TCAIM: variants seen among roughly 807,000 people sequenced by gnomAD.
The protein encoded by TCAIM is T cell activation inhibitor, mitochondrial.
In TCAIM, 36 loss-of-function variants were observed where a neutral mutation model predicts 58.6. The ratio of observed to expected loss-of-function variants is 0.61; its 90% CI spans 0.47 to 0.81. The LOEUF is 0.81. Ranked by LOEUF, TCAIM falls within the 30% of genes least tolerant of loss-of-function variation. TCAIM has a pLI of 0.00. For missense variants in TCAIM, 466 were observed against 579.6 expected (o/e 0.80, Z 2.01); for synonymous variants, 172 against 193.6 (o/e 0.89, Z 0.93).
At chr3:44,339,444 A>G (rs1700808460) in intron 1 of TCAIM, among the ~76,000 whole-genome samples, 3 of 152,204 alleles carry the variant, frequency 2.0e-5, no homozygotes, top group Admixed American at 1.3e-4. Context: ...AAGTAAGCAA[A>G]ACAAAACCGT....
At chr3:44,382,833 C>T (rs553253290) in intron 5 of TCAIM, among the ~76,000 whole-genome samples, 14 of 152,226 alleles carry the variant, frequency 9.2e-5, no homozygotes, top group African/African-American at 3.1e-4. Flanking sequence ...ATGTTTGCAA[C>T]TCATATATAT....
At chr3:44,350,319 ACTT>A (rs1004117835) in intron 1 of TCAIM, among the ~76,000 whole-genome samples, 1 of 151,966 alleles carries the variant, frequency 6.6e-6, no homozygotes, top group Non-Finnish European at 1.5e-5. Flanking sequence ...ACTCATTTTC[ACTT>A]CTTTTGTGAT....
chr3:44,402,425 T>C (rs1702035040), intron 10 of TCAIM, among the ~76,000 whole-genome samples: 1 of 151,264 alleles, frequency 6.6e-6, no homozygotes, highest in African/African-American at 2.4e-5. Flanking sequence ...AATATATGTA[T>C]CATTTTAGTT....
At position 44,404,027 on chromosome 3, in the gene TCAIM, ACT is replaced by A. The variant is rs1338133750; in HGVS notation, c.1250+2697_1250+2698del. Among the ~76,000 whole-genome samples, 4 of 151,226 alleles carry A rather than the reference ACT, an allele frequency of 2.6e-5. No individual in the cohort carries two copies. The East Asian group carries it at 7.8e-4, about 30-fold the overall frequency. On this transcript the variant is annotated intron_variant, in intron 10 of 10. Transcript: ENST00000342649. ...TGCTTCTCTCAGCTCAGCTCCTGGG[ACT>A]CTCCTCTCACTCGTTCTGCTCCAGC...
chr3:44,392,464 ATCC>A (rs1221631522), intron 5 of TCAIM, among the ~76,000 whole-genome samples: 1 of 152,100 alleles, frequency 6.6e-6, no homozygotes, highest in Non-Finnish European at 1.5e-5. Context: ...GTTTTTACTG[ATCC>A]TCTTCCTCCA....
At chr3:44,375,344 G>A (rs1056062461) in intron 5 of TCAIM, among the ~76,000 whole-genome samples, 2 of 152,094 alleles carry the variant, frequency 1.3e-5, no homozygotes, top group South Asian at 2.1e-4. Flanking sequence ...TTCTGGTAGG[G>A]ACTTCAGAAA....
chr3:44,363,289 TATTA>T (rs1363063579), intron 4 of TCAIM, among the ~76,000 whole-genome samples: 2 of 152,226 alleles, frequency 1.3e-5, no homozygotes, highest in Non-Finnish European at 2.9e-5. Flanking sequence ...CCACATTATC[TATTA>T]ATTCTTCTTT....
chr3:44,384,234 T>C (rs1291960133), intron 5 of TCAIM, among the ~76,000 whole-genome samples: 1 of 152,264 alleles, frequency 6.6e-6, no homozygotes, highest in Non-Finnish European at 1.5e-5. Flanking sequence ...GTAATGATCC[T>C]TTTAAAATCC....
chr3:44,365,465 A>T (rs542520833), intron 4 of TCAIM, among the ~76,000 whole-genome samples: 23 of 151,900 alleles, frequency 1.5e-4, no homozygotes, highest in South Asian at 2.1e-4. Context: ...AGTAGCTGGG[A>T]TTACAGGAGT....
intron 2 of TCAIM, among the ~76,000 whole-genome samples, chr3:44,356,753 G>T (rs1004405716): frequency 6.6e-6 from 1 of 150,680 alleles, no homozygotes. Flanking sequence ...ATTACCTGAG[G>T]TCAGGAGTTT....
intron 4 of TCAIM, among the ~76,000 whole-genome samples, chr3:44,363,537 T>C (rs1343395967): frequency 6.6e-6 from 1 of 152,226 alleles, no homozygotes; most frequent in Non-Finnish European, 1.5e-5. Flanking sequence ...TACTGAAATT[T>C]TATGAGCCTT....
intron 1 of TCAIM, among the ~76,000 whole-genome samples, chr3:44,350,757 T>A (rs1701071494): frequency 6.6e-6 from 1 of 152,164 alleles, no homozygotes; most frequent in Non-Finnish European, 1.5e-5. Context: ...TTCACGTTTG[T>A]TGTAAATAAT....
chr3:44,360,203 C>G (rs1454991413), intron 3 of TCAIM, among the ~76,000 whole-genome samples: 1 of 152,030 alleles, frequency 6.6e-6, no homozygotes, highest in East Asian at 1.9e-4. Flanking sequence ...TCCATGTACC[C>G]TATTTCCTTA....
At chr3:44,360,179 G>GT (rs541664831) in intron 3 of TCAIM, among the ~76,000 whole-genome samples, 26 of 150,430 alleles carry the variant, frequency 1.7e-4, no homozygotes, top group South Asian at 4.2e-4. Flanking sequence ...TGCAGTACTT[G>GT]TTTTTTTTTC....
chr3:44,404,420 G>A (rs1010078148), intron 10 of TCAIM, among the ~76,000 whole-genome samples: 5 of 152,156 alleles, frequency 3.3e-5, no homozygotes, highest in Admixed American at 6.5e-5. Flanking sequence ...AGGAAATACC[G>A]ATTGACCTTT....
chr3:44,366,059 C>T (rs1349706591), intron 4 of TCAIM, among the ~76,000 whole-genome samples: 1 of 152,192 alleles, frequency 6.6e-6, no homozygotes, highest in Non-Finnish European at 1.5e-5. Context: ...TTGGTGTCAA[C>T]TCAGATTTAA....
chr3:44,343,562 T>C (rs1351819892), intron 1 of TCAIM, among the ~76,000 whole-genome samples: 1 of 152,220 alleles, frequency 6.6e-6, no homozygotes, highest in Non-Finnish European at 1.5e-5. Flanking sequence ...ATCCAGTGGG[T>C]ATGTTAAGCT....
intron 1 of TCAIM, chr3:44,341,044 G>A (rs1700845827): frequency 6.6e-6 from 1 of 152,134 alleles, no homozygotes; most frequent in African/African-American, 2.4e-5. Flanking sequence ...TGTATAGGAA[G>A]TGATCATCTT....
intron 6 of TCAIM, among the ~76,000 whole-genome samples, chr3:44,395,111 A>G (rs1405181777): frequency 6.6e-6 from 1 of 150,920 alleles, no homozygotes; most frequent in African/African-American, 2.4e-5. Context: ...AACTAATGAC[A>G]TTGTTTTTCA....
Sources: gnomAD v4.1 joint callset for allele counts (sites outside exome capture counted in the v4.1 genomes callset) on GRCh38, gnomAD v4.1.1 for gene constraint, MANE v1.5 for transcripts, NCBI Gene and HGNC (gene_info 2026-07-23, HGNC 2026-07-21) for gene names.